NTRK3: variants seen among roughly 807,000 people sequenced by gnomAD.
The protein encoded by NTRK3 is neurotrophic receptor tyrosine kinase 3.
Under a neutral mutation model 91.7 loss-of-function variants are expected in NTRK3, and 24 were observed. The ratio of observed to expected loss-of-function variants is 0.26; its 90% confidence interval spans 0.19 to 0.37. The LOEUF (loss-of-function observed/expected upper bound fraction) is 0.37. Ranked by LOEUF, NTRK3 falls within the 10% of genes least tolerant of loss-of-function variation. The pLI is 1.00. For synonymous variants in NTRK3, 483 were observed against 404.0 expected, an observed-to-expected ratio of 1.20 and a Z score of -2.34; for missense variants, 880 against 1,068.9, an observed-to-expected ratio of 0.82 and a Z score of 2.46.
chr15:88,170,809 C>T (rs1208851934), intron 5 of NTRK3, among the ~76,000 whole-genome samples: 2 of 152,132 alleles, frequency 1.3e-5, no homozygotes, highest in Admixed American at 6.5e-5. Flanking sequence ...TGAACGACTC[C>T]CCTAAGCCCA....
intron 18 of NTRK3, 23 bp from the exon 20 acceptor site, chr15:87,877,143 G>T (rs2064985154): frequency 2.5e-6 from 4 of 1,612,652 alleles, no homozygotes; most frequent in Non-Finnish European, 3.4e-6. Flanking sequence ...GAAGAACAAG[G>T]AAGTTACACC....
At chr15:88,033,176 T>TTATATCTATATATATATA (rs2078722414) in intron 13 of NTRK3, 131 bp from the exon 14 acceptor site, 1 of 192,404 alleles carries the variant, frequency 5.2e-6, no homozygotes, top group Non-Finnish European at 9.0e-6. Flanking sequence ...GGGGGGTGTG[T>TTATATCTATATATATATA]TATATATATA....
At chr15:87,980,931 C>T (rs143357686) in intron 14 of NTRK3, among the ~76,000 whole-genome samples, 32 of 152,222 alleles carry the variant, frequency 2.1e-4, no homozygotes, top group Non-Finnish European at 4.3e-4. Context: ...GGAAGGAAGG[C>T]CATTGGTCTG....
chr15:88,203,994 A>T (rs2048518313), intron 3 of NTRK3, among the ~76,000 whole-genome samples: 2 of 152,158 alleles, frequency 1.3e-5, no homozygotes, highest in Non-Finnish European at 2.9e-5. Context: ...TAAGCCTCAC[A>T]TGCATTAGGT....
At chr15:88,168,513 T>G (rs185324801) in intron 5 of NTRK3, among the ~76,000 whole-genome samples, 1 of 152,226 alleles carries the variant, frequency 6.6e-6, no homozygotes, top group African/African-American at 2.4e-5. Context: ...AGAGCTTAAT[T>G]TGTTTTCTTT....
chr15:87,954,350 C>T (rs913699653), intron 14 of NTRK3, among the ~76,000 whole-genome samples: 1 of 152,192 alleles, frequency 6.6e-6, no homozygotes, highest in African/African-American at 2.4e-5. Flanking sequence ...TTCCCACTTT[C>T]AGTACAAAAA....
At chr15:88,057,075 A>C (rs1330686593) in intron 13 of NTRK3, among the ~76,000 whole-genome samples, 3 of 148,750 alleles carry the variant, frequency 2.0e-5, no homozygotes, top group Non-Finnish European at 4.5e-5. Context: ...AGGCTGAGGC[A>C]GGAGAATGGC....
chr15:87,889,314 G>A (rs1289692450), intron 17 of NTRK3, among the ~76,000 whole-genome samples: 1 of 151,698 alleles, frequency 6.6e-6, no homozygotes, highest in Non-Finnish European at 1.5e-5. Context: ...TTAGACCAGA[G>A]GTCAACAAAT....
At chr15:87,981,256 T>C in intron 14 of NTRK3, 1 of 1,590,660 alleles carries the variant, frequency 6.3e-7, no homozygotes, top group Non-Finnish European at 8.6e-7. Flanking sequence ...ACTTCCCCAC[T>C]CTGGACCTCA....
rs1002949806 is a variant in NTRK3 at position 88,073,053 on chromosome 15, A to G, written c.1397-40008T>C. On this transcript the variant is annotated intron_variant, in intron 13 of 18. Coordinates refer to ENST00000394480, the Ensembl canonical transcript of NTRK3. ...AGCTTGAGGGTCACGGAGTGGTGAG[A>G]CAGGCTTTGCTCTCATGCCTGACAG... 11 of 193,014 alleles carry G rather than the reference A, an allele frequency of 5.7e-5. No individual in the cohort carries two copies. The South Asian group carries it at 2.1e-3, about 37-fold the overall frequency. The allele number at this position is 193,014 out of a possible 1,614,324, so 12.0% of individuals were successfully genotyped here.
At position 88,016,956 on chromosome 15, in the gene NTRK3, TAAAAAAAAAAAAA is replaced by T. The variant is rs67163869; in HGVS notation, c.1585+15888_1585+15900del. On this transcript the variant is annotated intron_variant, in intron 14 of 18. Coordinates refer to ENST00000394480, the Ensembl canonical transcript of NTRK3. ...AGGTTAAAATGGAAGAGACGAAGCT[TAAAAAAAAAAAAA>T]AAAAAAAAAAAGCCCCTGACCAAAT... is the stretch of plus-strand genomic sequence containing the variant. 3.6e-5 allele frequency among the ~76,000 whole-genome samples: 3 copies of T among 84,316 alleles called. No individual in the cohort carries two copies. The South Asian group carries it at 1.4e-3, about 39-fold the overall frequency. The allele number at this position is 84,316 out of a possible 152,430, so 55.3% of individuals were successfully genotyped here. A position where few individuals can be genotyped will look rare whatever the true frequency, so the allele number is the denominator to read the frequency against.
Position 87,978,819 on chromosome 15 carries a change from C to T in NTRK3, c.1586-38066G>A, listed in dbSNP as rs151189534. The T allele has an allele frequency of 2.2e-3, 509 of 236,376 alleles. 1 individual carries two copies. Among genetic ancestry groups the T allele is most frequent in the African/African-American group, 9.9e-3 (450 of 45,480 alleles). The allele number at this position is 236,376 out of a possible 1,614,324, so 14.6% of individuals were successfully genotyped here. A position where few individuals can be genotyped will look rare whatever the true frequency, so the allele number is the denominator to read the frequency against. On this transcript the variant is annotated intron_variant, in intron 14 of 18. Transcript: ENST00000394480. The stretch of plus-strand genomic sequence containing the variant: ...AGCCTGGCTCCCCCTCCTCTTACCG[C>T]GCCGTCTCCACCTCTGCTTAGGTGC...
intron 3 of NTRK3, among the ~76,000 whole-genome samples, chr15:88,222,744 T>C (rs1039391962): frequency 3.9e-5 from 6 of 152,172 alleles, no homozygotes; most frequent in African/African-American, 9.7e-5. Context: ...CCATAATCTG[T>C]GACCAGAGTG....
chr15:87,992,055 T>C (rs1194403515), intron 14 of NTRK3, among the ~76,000 whole-genome samples: 1 of 152,028 alleles, frequency 6.6e-6, no homozygotes, highest in Non-Finnish European at 1.5e-5. Context: ...CTTCTTAACA[T>C]GTTTCCCAGC....
intron 13 of NTRK3, among the ~76,000 whole-genome samples, chr15:88,073,919 T>A (rs2047314775): frequency 6.6e-6 from 1 of 152,214 alleles, no homozygotes; most frequent in Admixed American, 6.5e-5. Flanking sequence ...TGTTTGTTTC[T>A]TTGTTTCTGG....
intron 14 of NTRK3, among the ~76,000 whole-genome samples, chr15:88,012,446 G>A (rs1438921170): frequency 6.6e-6 from 1 of 152,148 alleles, no homozygotes; most frequent in Non-Finnish European, 1.5e-5. Context: ...CCGAGCTTTG[G>A]CAAACTTGCC....
chr15:88,092,805 C>T (rs935903777), intron 13 of NTRK3, among the ~76,000 whole-genome samples: 1 of 152,194 alleles, frequency 6.6e-6, no homozygotes, highest in Non-Finnish European at 1.5e-5. Context: ...AAGGCCAGCA[C>T]CTTCAAATCC....
At chr15:87,861,615 G>GA (rs749763140) in exon 19 of NTRK3, 4,334 of 187,710 alleles carry the variant, frequency 0.023, 70 homozygotes, top group African/African-American at 0.024. Flanking sequence ...TTAGGGAAGG[G>GA]AAAAAAAAAA....
chr15:88,014,168 C>A (rs1353534350), intron 14 of NTRK3, among the ~76,000 whole-genome samples: 1 of 152,196 alleles, frequency 6.6e-6, no homozygotes, highest in African/African-American at 2.4e-5. Context: ...ACACCAAAAC[C>A]AATTTCTGTG....
Sources: allele counts gnomAD v4.1 joint callset (sites outside exome capture counted in the v4.1 genomes callset), GRCh38; gene constraint gnomAD v4.1.1; transcripts MANE v1.5; gene names NCBI Gene and HGNC (gene_info 2026-07-23, HGNC 2026-07-21).